Variants in LARP1B observed in about 807,000 individuals in gnomAD.
LARP1B encodes La ribonucleoprotein 1B, also known as la-related protein 1B.
A neutral mutation model predicts 114.2 loss-of-function variants in LARP1B; 76 were observed. The observed-to-expected ratio is 0.67, with a 90% CI of 0.55 to 0.81. LARP1B has a LOEUF of 0.81. Ranked by LOEUF, LARP1B falls within the 30% of genes least tolerant of loss-of-function variation. The pLI, the probability that LARP1B is intolerant of heterozygous loss-of-function variation, is 0.00. For synonymous variants in LARP1B, 345 were observed against 348.0 expected, an observed-to-expected ratio of 0.99 and a Z score of 0.10; for missense variants, 1,014 against 1,075.8, an observed-to-expected ratio of 0.94 and a Z score of 0.80.
chr4:128,083,925 G>A (rs1203742512), intron 5 of LARP1B, among the ~76,000 whole-genome samples: 1 of 151,576 alleles, frequency 6.6e-6, no homozygotes, highest in Non-Finnish European at 1.5e-5. Context: ...GCCGGGTGGA[G>A]GGGCTCCTCA....
intron 15 of LARP1B, among the ~76,000 whole-genome samples, chr4:128,194,090 G>C (rs1229503680): frequency 6.6e-6 from 1 of 151,718 alleles, no homozygotes; most frequent in Admixed American, 6.6e-5. Flanking sequence ...TTTATTTATT[G>C]AGATGCAGTT....
intron 14 of LARP1B, 135 bp downstream of exon 14, chr4:128,178,777 C>T (rs758311248): frequency 2.7e-5 from 21 of 785,430 alleles, no homozygotes; most frequent in Non-Finnish European, 4.0e-5. Context: ...TCATACTTTA[C>T]CATAGTGATA....
intron 7 of LARP1B, among the ~76,000 whole-genome samples, chr4:128,093,779 C>T (rs1199801283): frequency 3.5e-5 from 5 of 144,896 alleles, no homozygotes; most frequent in African/African-American, 1.3e-4. Flanking sequence ...GGCACGATCT[C>T]GGCTCACTGC....
chr4:128,080,963 A>G (rs1770100993), intron 4 of LARP1B, among the ~76,000 whole-genome samples: 1 of 152,162 alleles, frequency 6.6e-6, no homozygotes, highest in African/African-American at 2.4e-5. Flanking sequence ...AGTATACATT[A>G]TAGCGTTTTA....
intron 11 of LARP1B, chr4:128,155,551 C>A: frequency 1.2e-6 from 1 of 804,784 alleles, no homozygotes. Flanking sequence ...GTGGATGGTA[C>A]AGCTTCATTT....
At chr4:128,101,989 T>C (rs191892174) in intron 8 of LARP1B, among the ~76,000 whole-genome samples, 12 of 152,366 alleles carry the variant, frequency 7.9e-5, no homozygotes, top group African/African-American at 2.9e-4. Flanking sequence ...ATTTTGTTTT[T>C]ACAACCTACA....
intron 8 of LARP1B, among the ~76,000 whole-genome samples, chr4:128,099,169 A>G (rs936080865): frequency 6.6e-6 from 1 of 151,278 alleles, no homozygotes; most frequent in African/African-American, 2.4e-5. Flanking sequence ...GAAAAAAAAA[A>G]TCTCTCATCT....
chr4:128,194,104 C>T (rs1753196255), intron 15 of LARP1B, among the ~76,000 whole-genome samples: 1 of 151,942 alleles, frequency 6.6e-6, no homozygotes, highest in African/African-American at 2.4e-5. Flanking sequence ...TGCAGTTTCA[C>T]TCATGTCGCC....
At chr4:128,166,682 C>T (rs1740974479) in intron 12 of LARP1B, among the ~76,000 whole-genome samples, 1 of 151,512 alleles carries the variant, frequency 6.6e-6, no homozygotes, top group Admixed American at 6.6e-5. Flanking sequence ...CTTATCTATC[C>T]TACATATCTG....
intron 9 of LARP1B, among the ~76,000 whole-genome samples, chr4:128,109,961 T>C (rs1171244304): frequency 6.6e-6 from 1 of 152,146 alleles, no homozygotes; most frequent in Non-Finnish European, 1.5e-5. Context: ...TGGAGTACAG[T>C]GGCGCAGTCT....
chr4:128,212,663 A>G (rs757605590), downstream of LARP1B, among the ~76,000 whole-genome samples: 1 of 152,106 alleles, frequency 6.6e-6, no homozygotes, highest in Non-Finnish European at 1.5e-5. Context: ...AAACAAAAAC[A>G]AAAACAAAAA....
intron 3 of LARP1B, among the ~76,000 whole-genome samples, chr4:128,077,149 A>C (rs1768250198): frequency 1.3e-5 from 2 of 152,016 alleles, no homozygotes; most frequent in South Asian, 4.1e-4. Context: ...TAATCTTTTC[A>C]TAGATTTGCC....
chr4:128,129,629 A>T (rs765374483), intron 11 of LARP1B, among the ~76,000 whole-genome samples: 2 of 152,226 alleles, frequency 1.3e-5, no homozygotes, highest in African/African-American at 2.4e-5. Flanking sequence ...TTCAAGATTT[A>T]CTGTAAAGCT....
Position 128,162,321 on chromosome 4 carries a change from T to A in LARP1B, c.1648+4T>A. ...GCACCTTCACAGTCCAGGCAAGGTA[T>A]GTAAATCTGCTTTTGTGTAAGTGTC... On this transcript the variant is annotated splice_donor_region_variant and intron_variant, in intron 12 of 19. Transcript: ENST00000326639. 6.2e-7 allele frequency: 1 copy of A among 1,609,976 alleles called. No individual in the cohort carries two copies. Among genetic ancestry groups the A allele is most frequent in the Non-Finnish European group, 8.5e-7 (1 of 1,178,120 alleles).
chr4:128,112,608 G>A (rs1487623345), intron 9 of LARP1B, among the ~76,000 whole-genome samples: 1 of 150,760 alleles, frequency 6.6e-6, no homozygotes, highest in African/African-American at 2.4e-5. Context: ...CAAGTAGTTG[G>A]GATTACAGGC....
intron 8 of LARP1B, among the ~76,000 whole-genome samples, chr4:128,099,314 G>C (rs1442468846): frequency 1.4e-5 from 2 of 141,572 alleles, no homozygotes; most frequent in African/African-American, 5.3e-5. Flanking sequence ...TTGAGACAGA[G>C]TCTCATTCTG....
intron 1 of LARP1B, among the ~76,000 whole-genome samples, chr4:128,064,043 G>C (rs1395010519): frequency 1.3e-5 from 2 of 151,376 alleles, no homozygotes; most frequent in East Asian, 3.9e-4. Context: ...AGGCCGAGGC[G>C]GGTGGATCAC....
At chr4:128,157,104 T>A (rs1194206669) in intron 11 of LARP1B, among the ~76,000 whole-genome samples, 1 of 151,432 alleles carries the variant, frequency 6.6e-6, no homozygotes, top group Non-Finnish European at 1.5e-5. Flanking sequence ...ATCCAGAAAA[T>A]AGAGTTATCA....
chr4:128,085,312 GATA>G (rs1490965224), intron 5 of LARP1B, among the ~76,000 whole-genome samples: 3 of 145,728 alleles, frequency 2.1e-5, no homozygotes, highest in Admixed American at 6.9e-5. Flanking sequence ...AGACTGTGGA[GATA>G]ATAATTTTCT....
Sources: allele counts gnomAD v4.1 joint callset (sites outside exome capture counted in the v4.1 genomes callset), GRCh38; gene constraint gnomAD v4.1.1; transcripts MANE v1.5; gene names NCBI Gene and HGNC (gene_info 2026-07-23, HGNC 2026-07-21).